The following GJB5 variants were observed in gnomAD, a reference collection of about 807,000 sequenced individuals.
GJB5 encodes the protein gap junction protein beta 5, also known as gap junction beta-5 protein.
For synonymous variants in GJB5, 146 were observed against 145.5 expected (o/e 1.00, Z -0.02); for missense variants, 333 against 357.9 (o/e 0.93, Z 0.56).
In GJB5 at chr1:34,757,719, CAT is replaced by C. The variant is rs746054802; in HGVS notation, c.392_393del (p.Tyr131CysfsTer116). The C allele has an allele frequency of 1.2e-5, 20 of 1,613,916 alleles. No homozygotes were observed. In the East Asian group the frequency reaches 2.2e-4, roughly 18 times the overall value. On this transcript the variant is annotated frameshift_variant, in exon 2 of 2. Transcript: ENST00000338513. LOFTEE classifies it low-confidence loss of function (END_TRUNC). Reference sequence around the variant, plus strand: ...AAGAAGCGGGGTGGGCTCTGGTGGACATATGTCTGCAGCCTAGTGTTCAAGGC... The same window carrying C: ...AAGAAGCGGGGTGGGCTCTGGTGGACATGTCTGCAGCCTAGTGTTCAAGGC...
At position 34,757,294 on chromosome 1, in the gene GJB5, T is replaced by A; in HGVS notation, c.-24-13T>A. On this transcript the variant is annotated splice_polypyrimidine_tract_variant and intron_variant, in intron 1 of 1. Transcript: ENST00000338513. ...GATAAATGTAGGAAATGATTGTTCT[T>A]GTTTCCCTGCAGTAGCAGCTGACGC... 1 of 1,376,128 alleles carries A rather than the reference T, an allele frequency of 7.3e-7. No individual in the cohort carries two copies. The highest frequency in any genetic ancestry group is 1.2e-5 in the South Asian group (1 of 82,790). The allele number at this position is 1,376,128 out of a possible 1,614,324, so 85.2% of individuals were successfully genotyped here.
In GJB5 at chr1:34,757,546, C is replaced by A. The variant is rs1172227384; in HGVS notation, c.216C>A (p.Ser72=). The A allele has an allele frequency of 1.2e-6, 2 of 1,614,034 alleles. No individual in the cohort carries two copies. Among genetic ancestry groups the A allele is most frequent in the African/African-American group, 2.7e-5 (2 of 74,900 alleles). Residue 72 remains serine, a synonymous_variant, in exon 2 of 2, where the codon TCC becomes TCA. Transcript: ENST00000338513. ...GCTTTGATGAGTTCTTCCCTGTGTC[C>A]CATGTGCGCCTCTGGGCCCTGCAGC... ...NVCFDEFFPV[S]HVRLWALQLI...
chr1:34,757,172 C>G (rs1639601696), intron 1 of GJB5, 135 bp from the exon 2 acceptor site: 1 of 614,898 alleles, frequency 1.6e-6, no homozygotes, highest in African/African-American at 1.8e-5. Flanking sequence ...CTCCCTCCCT[C>G]TACAAAATGG....
Position 34,758,137 on chromosome 1 carries a change from GA to G in GJB5, c.811del (p.Thr271ProfsTer53). 1 of 1,613,678 alleles carries G rather than the reference GA, an allele frequency of 6.2e-7. No homozygotes were observed. The highest frequency in any genetic ancestry group is 8.5e-7 in the Non-Finnish European group (1 of 1,179,728). On this transcript the variant is annotated frameshift_variant, in exon 2 of 2. Coordinates refer to ENST00000338513, the MANE Select transcript of GJB5 (RefSeq NM_005268.4). LOFTEE classifies it high-confidence loss of function. ...CAGACCGCCCCCGAGACCATGTGAA[GA>G]AAACCATCTTGTGAGGGGCTGCCTG... ...LPDRPRDHVK[K>X]TIL is the part of the protein sequence containing the mutation.
At chr1:34,756,231 C>T (rs775046476) in intron 1 of GJB5, among the ~76,000 whole-genome samples, 2 of 152,172 alleles carry the variant, frequency 1.3e-5, no homozygotes, top group Admixed American at 6.5e-5. Flanking sequence ...AGAGGACTCG[C>T]GGGTGAGGAA....
intron 1 of GJB5, among the ~76,000 whole-genome samples, chr1:34,756,644 G>A (rs1450075498): frequency 6.6e-6 from 1 of 152,132 alleles, no homozygotes; most frequent in African/African-American, 2.4e-5. Context: ...GGAATACCAG[G>A]TTACTCTAGG....
chr1:34,757,661 G>T lies in GJB5; in HGVS notation c.331G>T (p.Glu111Ter). 1 of 1,614,050 alleles carries T rather than the reference G, an allele frequency of 6.2e-7. No homozygotes were observed. The highest frequency in any genetic ancestry group is 8.5e-7 in the Non-Finnish European group (1 of 1,180,018). Residue 111 changes from glutamate to a stop codon, truncating the protein, a stop_gained, in exon 2 of 2, where the codon GAG (glutamate) becomes TAG (stop). Transcript: ENST00000338513. LOFTEE classifies it low-confidence loss of function (END_TRUNC). ...QEKRHREAHGENSGRLYLNPG... is the reference protein window; with the variant it reads ...QEKRHREAHG The stretch of plus-strand genomic sequence containing the variant: ...GAAGAGGCACCGAGAAGCCCATGGG[G>T]AGAACAGTGGGCGCCTCTACCTGAA...
Position 34,757,700 on chromosome 1 carries a change from C to T in GJB5, c.370C>T (p.Arg124Trp), listed in dbSNP as rs142568989. 1.4e-5 allele frequency: 22 copies of T among 1,613,860 alleles called. No homozygotes were observed. The African/African-American group carries it at 2.3e-4, about 17-fold the overall frequency. ...CCTCTACCTGAACCCCGGCAAGAAG[C>T]GGGGTGGGCTCTGGTGGACATATGT... ...GRLYLNPGKK[R>W]GGLWWTYVCS... is the part of the protein sequence containing the mutation. Residue 124 changes from arginine to tryptophan, a missense_variant, in exon 2 of 2, where the codon CGG becomes TGG. Arg to Trp is a moderately radical substitution (Grantham distance 101). Coordinates refer to ENST00000338513, the MANE Select transcript of GJB5 (RefSeq NM_005268.4).
intron 1 of GJB5, among the ~76,000 whole-genome samples, chr1:34,756,570 C>A (rs927306179): frequency 2.0e-5 from 3 of 152,234 alleles, no homozygotes; most frequent in African/African-American, 7.2e-5. Context: ...GAATCCTCTT[C>A]TCTCACTTCT....
chr1:34,757,894 C>T lies in GJB5; in HGVS notation c.564C>T (p.Leu188=). The T allele has an allele frequency of 1.2e-6, 2 of 1,614,050 alleles. No individual in the cohort carries two copies. The highest frequency in any genetic ancestry group is 1.7e-6 in the Non-Finnish European group (2 of 1,179,992). Residue 188 remains leucine (L), a synonymous_variant, in exon 2 of 2, where the codon CTC becomes CTT. Coordinates refer to ENST00000338513, the MANE Select transcript of GJB5 (RefSeq NM_005268.4). ...CCTCAGAGAAGAACATTTTCACCCT[C>T]TTCATGGTGGCCACAGCTGCCATCT... ...SKPSEKNIFT[L]FMVATAAICI...
At chr1:34,757,258 A>G in intron 1 of GJB5, 49 bp from the exon 2 acceptor site, 1 of 1,061,294 alleles carries the variant, frequency 9.4e-7, no homozygotes, top group Middle Eastern at 2.1e-4. Flanking sequence ...AAGTGCTCAG[A>G]GCAAGTCTGT....
chr1:34,756,897 C>A (rs903690260), intron 1 of GJB5, among the ~76,000 whole-genome samples: 7 of 152,162 alleles, frequency 4.6e-5, no homozygotes, highest in African/African-American at 1.7e-4. Context: ...AAGGAGAGAA[C>A]CATCTCAAGG....
At position 34,757,317 on chromosome 1, in the gene GJB5, C is replaced by T. The variant is rs764089534; in HGVS notation, c.-14C>T. 35 of 1,566,472 alleles carry T rather than the reference C, an allele frequency of 2.2e-5. No homozygotes were observed. The highest frequency in any genetic ancestry group is 1.3e-4 in the South Asian group (12 of 89,732). On this transcript the variant is annotated 5_prime_UTR_variant, in exon 2 of 2. The change creates a new upstream start codon in the 5' untranslated region. Coordinates refer to ENST00000338513, the MANE Select transcript of GJB5 (RefSeq NM_005268.4). ...CTTGTTTCCCTGCAGTAGCAGCTGA[C>T]GCGTGGGTCCACCATGAACTGGAGT...
chr1:34,758,261 CAA>C lies in GJB5; in HGVS notation c.*110_*111del. 1 of 818,468 alleles carries C rather than the reference CAA, an allele frequency of 1.2e-6. No individual in the cohort carries two copies. Among genetic ancestry groups the C allele is most frequent in the Non-Finnish European group, 2.0e-6 (1 of 512,394 alleles). The allele number at this position is 818,468 out of a possible 1,614,324, so 50.7% of individuals were successfully genotyped here. On this transcript the variant is annotated 3_prime_UTR_variant, in exon 2 of 2. Transcript: ENST00000338513. ...AGCTAAGCCATGAGGTAGGGGCAGG[CAA>C]GAGAGAGGATTCAGACGCTCTGGGA...
intron 1 of GJB5, among the ~76,000 whole-genome samples, 191 bp downstream of exon 1, chr1:34,755,386 G>A (rs929114003): frequency 4.6e-5 from 7 of 152,284 alleles, no homozygotes; most frequent in Admixed American, 3.3e-4. Flanking sequence ...GGGCCAGGCC[G>A]GAAGCTCAGC....
rs756922872 is a variant in GJB5, at chr1:34,757,755, A to T, written c.425A>T (p.Asp142Val). The change falls in exon 2 of 2, where the codon GAC becomes GTC. Residue 142 changes from aspartate to valine, a missense_variant. Coordinates refer to ENST00000338513, the MANE Select transcript of GJB5 (RefSeq NM_005268.4). Reference sequence around the variant, plus strand: ...AGCCTAGTGTTCAAGGCGAGCGTGGACATCGCCTTTCTCTATGTGTTCCAC... The same window carrying T: ...AGCCTAGTGTTCAAGGCGAGCGTGGTCATCGCCTTTCTCTATGTGTTCCAC... ...VCSLVFKASV[D>V]IAFLYVFHSF... 6.2e-7 allele frequency: 1 copy of T among 1,613,904 alleles called. No individual in the cohort carries two copies. Among genetic ancestry groups the T allele is most frequent in the African/African-American group, 1.3e-5 (1 of 74,874 alleles).
Position 34,757,363 on chromosome 1 carries a change from T to C in GJB5, c.33T>C (p.Ser11=). 3 of 1,613,968 alleles carry C rather than the reference T, an allele frequency of 1.9e-6. No individual in the cohort carries two copies. Among genetic ancestry groups the C allele is most frequent in the Non-Finnish European group, 2.5e-6 (3 of 1,179,908 alleles). Residue 11 remains serine, a synonymous_variant, in exon 2 of 2, where the codon AGT becomes AGC. Transcript: ENST00000338513. ...GGAGTATCTTTGAGGGACTCCTGAGTGGGGTCAACAAGTACTCCACAGCCT... is the reference window on the plus strand; with the variant it reads ...GGAGTATCTTTGAGGGACTCCTGAGCGGGGTCAACAAGTACTCCACAGCCT... MNWSIFEGLL[S]GVNKYSTAFG...
Position 34,758,132 on chromosome 1 carries a change from G to A in GJB5, c.802G>A (p.Val268Met). The change falls in exon 2 of 2, where the codon GTG (valine) becomes ATG (methionine). Residue 268 changes from valine to methionine, a missense_variant. Coordinates refer to ENST00000338513, the MANE Select transcript of GJB5 (RefSeq NM_005268.4). ...CTTACCAGACCGCCCCCGAGACCATGTGAAGAAAACCATCTTGTGAGGGGC... is the reference window on the plus strand; with the variant it reads ...CTTACCAGACCGCCCCCGAGACCATATGAAGAAAACCATCTTGTGAGGGGC... ...PLLPDRPRDH[V>M]KKTIL is the part of the protein sequence containing the mutation. 4 of 1,613,876 alleles carry A rather than the reference G, an allele frequency of 2.5e-6. No individual in the cohort carries two copies. The highest frequency in any genetic ancestry group is 2.5e-6 in the Non-Finnish European group (3 of 1,179,872).
At chr1:34,755,696 G>A (rs1443179067) in intron 1 of GJB5, among the ~76,000 whole-genome samples, 2 of 152,190 alleles carry the variant, frequency 1.3e-5, no homozygotes, top group Non-Finnish European at 2.9e-5. Flanking sequence ...CACACAAGGG[G>A]AAGGACAGAA....
Sources: gnomAD v4.1 joint callset for allele counts (sites outside exome capture counted in the v4.1 genomes callset) on GRCh38, gnomAD v4.1.1 for gene constraint, MANE v1.5 for transcripts, NCBI Gene and HGNC (gene_info 2026-07-23, HGNC 2026-07-21) for gene names.